Variants in PAH observed in about 807,000 individuals in gnomAD.
PAH encodes phenylalanine hydroxylase, also known as phenylalanine-4-hydroxylase.
In PAH, 64 loss-of-function variants were observed where a neutral mutation model predicts 62.0. The observed-to-expected ratio is 1.03, with a 90% CI of 0.84 to 1.27. The LOEUF (loss-of-function observed/expected upper bound fraction) is 1.27, where lower values mean the gene tolerates loss of function less well. Ranked by LOEUF, PAH falls within the 50% of genes most tolerant of loss-of-function variation. The probability of loss-of-function intolerance (pLI) is 0.00; values close to 1 mark genes in which losing one functional copy is unlikely to be tolerated. For synonymous variants in PAH, 195 were observed against 196.2 expected (o/e 0.99, Z 0.05); for missense variants, 579 against 542.8 (o/e 1.07, Z -0.66).
intron 3 of PAH, among the ~76,000 whole-genome samples, chr12:102,884,105 G>A (rs1385051707): frequency 6.6e-6 from 1 of 152,216 alleles, no homozygotes; most frequent in African/African-American, 2.4e-5. Flanking sequence ...CTCCACATTT[G>A]ATCTATTCCC....
intron 8 of PAH, among the ~76,000 whole-genome samples, chr12:102,849,456 G>C (rs1397800154): frequency 6.6e-6 from 1 of 152,176 alleles, no homozygotes; most frequent in Non-Finnish European, 1.5e-5. Context: ...TCCGTCATCA[G>C]AGTAGAGATG....
At chr12:102,956,610 A>C (rs536900374) in intron 1 of PAH, among the ~76,000 whole-genome samples, 1 of 152,240 alleles carries the variant, frequency 6.6e-6, no homozygotes, top group East Asian at 1.9e-4. Context: ...CCTAAGCGCC[A>C]TCACTCAACC....
chr12:102,879,561 A>G (rs1345658026), intron 3 of PAH, among the ~76,000 whole-genome samples: 1 of 148,966 alleles, frequency 6.7e-6, no homozygotes, highest in African/African-American at 2.5e-5. Context: ...CACCCATGTT[A>G]GCAATAAAAC....
At chr12:102,914,108 T>C (rs979434606) in intron 1 of PAH, among the ~76,000 whole-genome samples, 1 of 152,138 alleles carries the variant, frequency 6.6e-6, no homozygotes, top group Admixed American at 6.6e-5. Flanking sequence ...ATTCTTTCAA[T>C]TCAGAAAATT....
chr12:102,885,124 T>C (rs369535304), intron 3 of PAH, among the ~76,000 whole-genome samples: 2 of 152,170 alleles, frequency 1.3e-5, no homozygotes, highest in East Asian at 1.9e-4. Flanking sequence ...AAAGGAAGCG[T>C]GACAAACTAA....
At chr12:102,945,968 G>C (rs1378154350) in intron 1 of PAH, 1 of 152,184 alleles carries the variant, frequency 6.6e-6, no homozygotes, top group Non-Finnish European at 1.5e-5. Context: ...ATCATTCAGG[G>C]CCCAAAGGTT....
intron 8 of PAH, among the ~76,000 whole-genome samples, chr12:102,849,952 C>T (rs1275923737): frequency 2.0e-5 from 3 of 152,234 alleles, no homozygotes; most frequent in Non-Finnish European, 2.9e-5. Context: ...GCCCCAAGAG[C>T]TCCTGTTTGT....
chr12:102,885,126 A>G (rs1876978333), intron 3 of PAH, among the ~76,000 whole-genome samples: 1 of 152,184 alleles, frequency 6.6e-6, no homozygotes, highest in Non-Finnish European at 1.5e-5. Flanking sequence ...AGGAAGCGTG[A>G]CAAACTAAGG....
rs1410220177 is a variant in PAH, at chr12:102,837,755, G to A, written c.*1420C>T. ...TAGAGTGACACTGAGGTCTAAAGAA[G>A]GGAAACAGCTTATCCACATTGACAT... On this transcript the variant is annotated 3_prime_UTR_variant, in exon 13 of 13. Coordinates refer to ENST00000553106, the MANE Select transcript of PAH (RefSeq NM_000277.3). The A allele has an allele frequency of 6.6e-6, 1 of 152,164 alleles. No homozygotes were observed. The highest frequency in any genetic ancestry group is 1.9e-4 in the East Asian group (1 of 5,184). 9.4% of individuals were successfully genotyped at this position (152,164 alleles called of 1,614,324 possible).
intron 8 of PAH, among the ~76,000 whole-genome samples, chr12:102,850,216 T>A (rs999555226): frequency 5.3e-5 from 8 of 152,198 alleles, no homozygotes; most frequent in African/African-American, 1.7e-4. Context: ...GCTTCTACAG[T>A]TAAAGTTCAA....
intron 1 of PAH, among the ~76,000 whole-genome samples, chr12:102,929,558 G>A (rs565640125): frequency 9.2e-5 from 14 of 152,268 alleles, no homozygotes; most frequent in African/African-American, 3.4e-4. Flanking sequence ...TTTATCCTGA[G>A]AGGTGGAGTG....
At chr12:102,916,859 C>A (rs951217366) in intron 1 of PAH, among the ~76,000 whole-genome samples, 4 of 151,982 alleles carry the variant, frequency 2.6e-5, no homozygotes, top group Non-Finnish European at 4.4e-5. Flanking sequence ...GTCATTCATT[C>A]CTGTGAAAGC....
chr12:102,900,229 T>C (rs1188967458), intron 2 of PAH, among the ~76,000 whole-genome samples: 6 of 151,930 alleles, frequency 3.9e-5, no homozygotes, highest in Admixed American at 3.9e-4. Context: ...TTCTGTATTT[T>C]TAGTAGAGAT....
intron 5 of PAH, among the ~76,000 whole-genome samples, chr12:102,865,855 T>G (rs1188980035): frequency 2.0e-5 from 3 of 152,230 alleles, no homozygotes; most frequent in Non-Finnish European, 4.4e-5. Context: ...GTCAAAGTAC[T>G]ATGCCATGAG....
At chr12:102,860,572 G>A (rs1875671595) in intron 5 of PAH, among the ~76,000 whole-genome samples, 1 of 152,134 alleles carries the variant, frequency 6.6e-6, no homozygotes, top group Admixed American at 6.5e-5. Context: ...CACACTACCT[G>A]CCTTCAAACT....
upstream of PAH, among the ~76,000 whole-genome samples, chr12:102,955,187 G>A (rs1879875564): frequency 6.6e-6 from 1 of 152,108 alleles, no homozygotes; most frequent in African/African-American, 2.4e-5. Flanking sequence ...CCCATTTCAT[G>A]GTGTGTGTAG....
At chr12:102,913,626 T>G (rs1878283072) in intron 1 of PAH, among the ~76,000 whole-genome samples, 1 of 152,184 alleles carries the variant, frequency 6.6e-6, no homozygotes, top group African/African-American at 2.4e-5. Flanking sequence ...AAAAATGACC[T>G]CTTGACCTTT....
At chr12:102,860,816 C>T (rs1396180908) in intron 5 of PAH, among the ~76,000 whole-genome samples, 1 of 152,114 alleles carries the variant, frequency 6.6e-6, no homozygotes, top group Non-Finnish European at 1.5e-5. Flanking sequence ...TTCCTTACAC[C>T]TTATACAAAA....
At chr12:102,924,569 A>G (rs1237441446) in intron 1 of PAH, among the ~76,000 whole-genome samples, 1 of 152,194 alleles carries the variant, frequency 6.6e-6, no homozygotes, top group Non-Finnish European at 1.5e-5. Flanking sequence ...GTCCAGTATA[A>G]TAATTACAGA....
Sources: gnomAD v4.1 joint callset for allele counts (sites outside exome capture counted in the v4.1 genomes callset) on GRCh38, gnomAD v4.1.1 for gene constraint, MANE v1.5 for transcripts, NCBI Gene and HGNC (gene_info 2026-07-23, HGNC 2026-07-21) for gene names.